The following TRMT11 variants were observed in gnomAD, a reference collection of about 807,000 sequenced individuals.
TRMT11 encodes tRNA (guanine(10)-N(2))-methyltransferase TRMT11.
TRMT11 carries 53 observed loss-of-function variants against 62.8 expected under a neutral mutation model. The observed-to-expected ratio is 0.84, with a 90% CI of 0.68 to 1.06. The LOEUF is 1.06. Among genes scored for constraint, TRMT11 ranks in the 50% least tolerant of loss-of-function variants. The pLI, the probability that TRMT11 is intolerant of heterozygous loss-of-function variation, is 0.00. For synonymous variants in TRMT11, 188 were observed against 190.3 expected, an observed-to-expected ratio of 0.99 and a Z score of 0.10; for missense variants, 556 against 553.4, an observed-to-expected ratio of 1.00 and a Z score of -0.05.
the TRMT11 span, among the ~76,000 whole-genome samples, chr6:126,226,823 C>T: frequency 4.6e-5 from 7 of 152,268 alleles, no homozygotes; most frequent in South Asian, 8.3e-4. Context: ...CAAATCTCAT[C>T]TTGAATTCCT....
chr6:126,234,819 G>A, the TRMT11 span, among the ~76,000 whole-genome samples: 16 of 152,094 alleles, frequency 1.1e-4, 1 homozygote, highest in East Asian at 7.7e-4. Context: ...AAAGCTTTGC[G>A]TTCAAGCCAG....
Position 126,151,936 on chromosome 6 carries a change from TTTCTTTC to T in TRMT11, c.*1824-22886_*1824-22880del, listed in dbSNP as rs1295210442. ...CTTTCTTTCTTTCTTTCTTTCTTTC[TTTCTTTC>T]TTTTCTTTCTTTCTTTTCTTTCTTT... On this transcript the variant is annotated intron_variant and NMD_transcript_variant, in intron 21 of 22. Coordinates refer to the TRMT11 transcript ENST00000648977. Among the ~76,000 whole-genome samples, 762 of 108,658 alleles carry T rather than the reference TTTCTTTC, an allele frequency of 7.0e-3. 63 individuals are homozygous for T. Among genetic ancestry groups the T allele is most frequent in the African/African-American group, 0.03 (702 of 23,346 alleles). 71.3% of individuals were successfully genotyped at this position (108,658 alleles called of 152,430 possible).
At chr6:126,094,793 C>T (rs1777322809) in intron 17 of TRMT11, among the ~76,000 whole-genome samples, 1 of 152,108 alleles carries the variant, frequency 6.6e-6, no homozygotes, top group Non-Finnish European at 1.5e-5. Context: ...TATTTTCTAC[C>T]TAATTAATCA....
At chr6:126,095,454 C>A (rs1777329393) in intron 17 of TRMT11, among the ~76,000 whole-genome samples, 1 of 152,176 alleles carries the variant, frequency 6.6e-6, no homozygotes, top group Non-Finnish European at 1.5e-5. Flanking sequence ...GCTAGAATTG[C>A]TGGATAACCT....
At chr6:126,026,549 G>A (rs893404478) in intron 12 of TRMT11, among the ~76,000 whole-genome samples, 8 of 151,816 alleles carry the variant, frequency 5.3e-5, no homozygotes, top group Non-Finnish European at 7.4e-5. Flanking sequence ...ACCATGCCCA[G>A]CTAATTTTTG....
chr6:126,154,748 A>G (rs1214724026), intron 21 of TRMT11, among the ~76,000 whole-genome samples: 1 of 152,214 alleles, frequency 6.6e-6, no homozygotes. Flanking sequence ...AGGCAGGGAC[A>G]TGACTTTGAT....
intron 17 of TRMT11, among the ~76,000 whole-genome samples, chr6:126,059,193 T>C (rs1776459859): frequency 6.6e-6 from 1 of 151,988 alleles, no homozygotes; most frequent in African/African-American, 2.4e-5. Flanking sequence ...CTACCTCTAC[T>C]CTTTATTAGG....
In TRMT11 at chr6:126,067,197, CTCA is replaced by C. The variant is rs1562313554; in HGVS notation, c.*1437+14008_*1437+14010del. ...CCTGGGCGACAGAGTGAGACTCCTTCTCAAAAAAAAAAAAAAAAAGTTGTTTTG... is the reference window on the plus strand; with the variant it reads ...CCTGGGCGACAGAGTGAGACTCCTTCAAAAAAAAAAAAAAAAGTTGTTTTG... On this transcript the variant is annotated intron_variant and NMD_transcript_variant, in intron 17 of 22. Coordinates refer to the TRMT11 transcript ENST00000648977. Among the ~76,000 whole-genome samples, 287 of 138,462 alleles carry C rather than the reference CTCA, an allele frequency of 2.1e-3. 1 individual carries two copies. Among genetic ancestry groups the C allele is most frequent in the African/African-American group, 8.7e-3 (278 of 32,038 alleles). The allele number at this position is 138,462 out of a possible 152,430, so 90.8% of individuals were successfully genotyped here.
intron 17 of TRMT11, among the ~76,000 whole-genome samples, chr6:126,084,393 T>C (rs1011536810): frequency 1.3e-4 from 20 of 152,170 alleles, no homozygotes; most frequent in African/African-American, 4.6e-4. Flanking sequence ...ATGTCTTCTT[T>C]GGAAAAATGT....
chr6:126,211,334 C>T, the TRMT11 span, among the ~76,000 whole-genome samples: 2 of 152,162 alleles, frequency 1.3e-5, no homozygotes, highest in African/African-American at 4.8e-5. Context: ...ACTTAATATC[C>T]TGATATAGTC....
the TRMT11 span, among the ~76,000 whole-genome samples, chr6:126,268,131 A>G: frequency 6.6e-6 from 1 of 152,194 alleles, no homozygotes; most frequent in South Asian, 2.1e-4. Flanking sequence ...TCCTATGAGG[A>G]TAATTTCACA....
At chr6:126,147,277 T>C (rs1777984882) in intron 21 of TRMT11, among the ~76,000 whole-genome samples, 1 of 152,218 alleles carries the variant, frequency 6.6e-6, no homozygotes, top group Non-Finnish European at 1.5e-5. Context: ...GGTATCCTTT[T>C]ATGGAATCTC....
chr6:126,056,848 A>G (rs967583166), intron 17 of TRMT11, among the ~76,000 whole-genome samples: 2 of 152,160 alleles, frequency 1.3e-5, no homozygotes, highest in African/African-American at 4.8e-5. Context: ...TCCACAGAAG[A>G]TAGGAAGCAA....
At chr6:126,002,738 T>A (rs1792717535) in intron 7 of TRMT11, among the ~76,000 whole-genome samples, 1 of 152,136 alleles carries the variant, frequency 6.6e-6, no homozygotes, top group Non-Finnish European at 1.5e-5. Flanking sequence ...CAAAGAGATG[T>A]CACTTTACCT....
chr6:126,264,103 T>A, the TRMT11 span, among the ~76,000 whole-genome samples: 2 of 152,264 alleles, frequency 1.3e-5, no homozygotes, highest in Middle Eastern at 3.4e-3. Flanking sequence ...TAGGTGTGGT[T>A]TTAGGCACCA....
At chr6:126,027,048 C>T (rs1268154741) in intron 12 of TRMT11, among the ~76,000 whole-genome samples, 1 of 151,890 alleles carries the variant, frequency 6.6e-6, no homozygotes, top group Non-Finnish European at 1.5e-5. Context: ...CCTCGTGATC[C>T]GCCAGCCTCG....
chr6:126,210,270 A>G, the TRMT11 span, among the ~76,000 whole-genome samples: 1 of 152,204 alleles, frequency 6.6e-6, no homozygotes, highest in Non-Finnish European at 1.5e-5. Flanking sequence ...ACCTTGTAGA[A>G]GTAAATCGCT....
intron 16 of TRMT11, among the ~76,000 whole-genome samples, chr6:126,051,138 T>A (rs1776206039): frequency 6.6e-6 from 1 of 152,180 alleles, no homozygotes; most frequent in Non-Finnish European, 1.5e-5. Context: ...TGAGATATAT[T>A]ATTTATACCA....
chr6:126,011,140 C>G, intron 8 of TRMT11, 113 bp from the exon 9 acceptor site: 1 of 888,482 alleles, frequency 1.1e-6, no homozygotes, highest in Non-Finnish European at 1.6e-6. Context: ...TAAATGAAAG[C>G]AAATTTTGAA....
Sources: allele counts gnomAD v4.1 joint callset (sites outside exome capture counted in the v4.1 genomes callset), GRCh38; gene constraint gnomAD v4.1.1; transcripts MANE v1.5; gene names NCBI Gene and HGNC (gene_info 2026-07-23, HGNC 2026-07-21).